Variants in ADGB observed in about 807,000 individuals in gnomAD.
The protein encoded by ADGB is androglobin.
ADGB carries 172 observed loss-of-function variants against 210.5 expected under a neutral mutation model. That is an observed-to-expected ratio of 0.82 (90% CI 0.72 to 0.93). The LOEUF is 0.93. Ranked by LOEUF, ADGB falls within the 40% of genes least tolerant of loss-of-function variation. ADGB has a pLI of 0.00. For synonymous variants in ADGB, 658 were observed against 662.7 expected (o/e 0.99, Z 0.11); for missense variants, 2,025 against 1,964.8 (o/e 1.03, Z -0.58).
intron 25 of ADGB, 104 bp downstream of exon 25, chr6:146,741,375 A>G (rs1291075293): frequency 9.7e-7 from 1 of 1,029,510 alleles, no homozygotes; most frequent in East Asian, 2.7e-5. Context: ...AATCTACTTA[A>G]CAGACAAATA....
intron 1 of ADGB, among the ~76,000 whole-genome samples, chr6:146,614,183 C>CCCTCCCTCCCTCCCTCCCTTCCTT (rs1562255169): frequency 1.4e-5 from 1 of 71,086 alleles, no homozygotes; most frequent in Non-Finnish European, 2.5e-5. Context: ...TTCTCTCCCT[C>CCCTCCCTCCCTCCCTCCCTTCCTT]CCTCCCTCCC....
At chr6:146,637,121 G>A (rs751132369) in intron 2 of ADGB, among the ~76,000 whole-genome samples, 7 of 152,022 alleles carry the variant, frequency 4.6e-5, no homozygotes, top group Admixed American at 2.0e-4. Flanking sequence ...TAATGAGGGA[G>A]GCCCAAATCC....
chr6:146,706,845 G>GTTTTTTTTT (rs34520729), intron 13 of ADGB, among the ~76,000 whole-genome samples: 6 of 100,704 alleles, frequency 6.0e-5, no homozygotes, highest in African/African-American at 8.7e-5. Flanking sequence ...TCAGCTTAGT[G>GTTTTTTTTT]TTTTTTTTTT....
In ADGB at chr6:146,721,516, T is replaced by A; in HGVS notation, c.2095+11T>A. ...GGGGGGAGTATGGAGGTAAGAGGGCTCTGAGAAAATGATAGCCTTAAAGCC... is the reference window on the plus strand; with the variant it reads ...GGGGGGAGTATGGAGGTAAGAGGGCACTGAGAAAATGATAGCCTTAAAGCC... On this transcript the variant is annotated intron_variant, in intron 17 of 35. Transcript: ENST00000397944. The A allele has an allele frequency of 4.5e-6, 6 of 1,333,364 alleles. No homozygotes were observed. The highest frequency in any genetic ancestry group is 6.0e-6 in the Non-Finnish European group (6 of 999,238). The allele number at this position is 1,333,364 out of a possible 1,614,324, so 82.6% of individuals were successfully genotyped here. A position where few individuals can be genotyped will look rare whatever the true frequency, so the allele number is the denominator to read the frequency against.
At chr6:146,743,849 G>C (rs1465311213) in intron 25 of ADGB, among the ~76,000 whole-genome samples, 1 of 152,196 alleles carries the variant, frequency 6.6e-6, no homozygotes, top group Non-Finnish European at 1.5e-5. Context: ...AGAAGACAGA[G>C]GTTGCAGTGA....
At chr6:146,765,833 A>G (rs188699969) in intron 28 of ADGB, among the ~76,000 whole-genome samples, 303 of 151,990 alleles carry the variant, frequency 2.0e-3, no homozygotes, top group Middle Eastern at 0.017. Context: ...ATTCAAAAAA[A>G]GAACAGAAAA....
intron 19 of ADGB, 88 bp downstream of exon 19, chr6:146,726,285 G>GCA: frequency 3.4e-6 from 3 of 875,982 alleles, no homozygotes; most frequent in Non-Finnish European, 5.3e-6. Context: ...GCAGTGGCAT[G>GCA]ATCTTGGCTC....
At position 146,785,717 on chromosome 6, in the gene ADGB, G is replaced by A; in HGVS notation, c.4315+5G>A. The A allele has an allele frequency of 6.5e-7, 1 of 1,542,902 alleles. No homozygotes were observed. Among genetic ancestry groups the A allele is most frequent in the Non-Finnish European group, 8.8e-7 (1 of 1,139,690 alleles). The stretch of plus-strand genomic sequence containing the variant: ...AAACTAAACCAAAAGAAGAAGGTGA[G>A]TGGATCCTACCACCCCAGCTGCCTC... On this transcript the variant is annotated splice_donor_5th_base_variant and intron_variant, in intron 32 of 35. Coordinates refer to ENST00000397944, the MANE Select transcript of ADGB (RefSeq NM_024694.4).
chr6:146,774,565 A>G (rs1237854083), intron 29 of ADGB, among the ~76,000 whole-genome samples: 1 of 152,204 alleles, frequency 6.6e-6, no homozygotes. Context: ...GTTTGAAAGA[A>G]TATTTTGTTG....
chr6:146,666,108 A>C (rs1055849676), intron 6 of ADGB, among the ~76,000 whole-genome samples: 2 of 152,080 alleles, frequency 1.3e-5, no homozygotes, highest in African/African-American at 2.4e-5. Flanking sequence ...GAAGAAAGGC[A>C]CACATGTGTT....
At chr6:146,810,167 C>T (rs540178934) in intron 35 of ADGB, among the ~76,000 whole-genome samples, 541 of 152,270 alleles carry the variant, frequency 3.6e-3, no homozygotes, top group South Asian at 0.017. Context: ...AAACACCTAT[C>T]CAAAGACGAC....
chr6:146,769,180 G>A, intron 29 of ADGB, 49 bp downstream of exon 29: 1 of 876,490 alleles, frequency 1.1e-6, no homozygotes, highest in Non-Finnish European at 1.8e-6. Context: ...TGAATAAGTT[G>A]ATATTTAAAT....
At chr6:146,805,112 T>C (rs1778192923) in intron 35 of ADGB, among the ~76,000 whole-genome samples, 1 of 152,240 alleles carries the variant, frequency 6.6e-6, no homozygotes, top group African/African-American at 2.4e-5. Context: ...CAAGATCCCC[T>C]GGCTGAAGGA....
At chr6:146,698,996 C>CA (rs1776449733) in intron 12 of ADGB, among the ~76,000 whole-genome samples, 1 of 152,272 alleles carries the variant, frequency 6.6e-6, no homozygotes, top group South Asian at 2.1e-4. Context: ...TAGTCACACA[C>CA]AGAGTTTTTC....
chr6:146,780,453 A>G (rs553600911), intron 29 of ADGB, among the ~76,000 whole-genome samples: 2 of 152,312 alleles, frequency 1.3e-5, no homozygotes, highest in East Asian at 3.9e-4. Context: ...CTCTCTGTAA[A>G]CAACATAGTT....
chr6:146,808,708 A>G (rs1490992958), intron 35 of ADGB, among the ~76,000 whole-genome samples: 2 of 152,128 alleles, frequency 1.3e-5, no homozygotes, highest in African/African-American at 4.8e-5. Context: ...ATATTTATTT[A>G]TTGAGACATG....
At chr6:146,804,355 T>C (rs971013492) in intron 35 of ADGB, among the ~76,000 whole-genome samples, 3 of 152,150 alleles carry the variant, frequency 2.0e-5, no homozygotes, top group South Asian at 2.1e-4. Flanking sequence ...TTTCCAGTAA[T>C]GGCTCATGTG....
At chr6:146,762,784 C>T (rs1010181808) in intron 27 of ADGB, among the ~76,000 whole-genome samples, 2 of 152,092 alleles carry the variant, frequency 1.3e-5, no homozygotes, top group African/African-American at 4.8e-5. Flanking sequence ...TGGGTCTCAA[C>T]TGAATGCTCT....
In ADGB at chr6:146,745,953, C is replaced by T. The variant is rs1400958046; in HGVS notation, c.3209C>T (p.Thr1070Ile). The T allele has an allele frequency of 1.3e-6, 2 of 1,549,170 alleles. No individual in the cohort carries two copies. Among genetic ancestry groups the T allele is most frequent in the East Asian group, 2.4e-5 (1 of 40,892 alleles). ...TACACTTTTGTGGCGGAAGCATTTA[C>T]AGGCGACACATATGTAGCAGCCTCA... ...KGYTFVAEAF[T>I]GDTYVAASRW... The change falls in exon 26 of 36, where the codon ACA becomes ATA. Residue 1070 changes from threonine to isoleucine, a missense_variant. Coordinates refer to ENST00000397944, the MANE Select transcript of ADGB (RefSeq NM_024694.4).
Sources: gnomAD v4.1 joint callset for allele counts (sites outside exome capture counted in the v4.1 genomes callset) on GRCh38, gnomAD v4.1.1 for gene constraint, MANE v1.5 for transcripts, NCBI Gene and HGNC (gene_info 2026-07-23, HGNC 2026-07-21) for gene names.